Variants in GDF2 observed in about 807,000 individuals in gnomAD.
GDF2 encodes growth/differentiation factor 2.
Under a neutral mutation model 16.9 loss-of-function variants are expected in GDF2, and 17 were observed. That is an observed-to-expected ratio of 1.00 (90% confidence interval 0.69 to 1.51). GDF2 has a LOEUF of 1.51. Ranked by LOEUF, GDF2 falls within the 40% of genes most tolerant of loss-of-function variation. The probability of loss-of-function intolerance (pLI) is 0.00; values close to 1 mark genes in which losing one functional copy is unlikely to be tolerated. For synonymous variants in GDF2, 276 were observed against 237.6 expected (o/e 1.16, Z -1.49); for missense variants, 523 against 556.3 (o/e 0.94, Z 0.60).
At chr10:47,324,141 G>A (rs768363559) in intron 1 of GDF2, among the ~76,000 whole-genome samples, 1 of 152,254 alleles carries the variant, frequency 6.6e-6, no homozygotes, top group African/African-American at 2.4e-5. Context: ...AGATAACTAT[G>A]TGGCTAAAAG....
rs564273229 is a variant in GDF2, at chr10:47,324,971, C to T, written c.477C>T (p.His159=). The change falls in exon 2 of 2, where the codon CAC becomes CAT. Residue 159 remains histidine (H), a synonymous_variant. Coordinates refer to ENST00000581492, the MANE Select transcript of GDF2 (RefSeq NM_016204.4). Reference sequence around the variant, plus strand: ...GACTCTATGTCTCCTGTCAAAATCACGTGGACCCCTCTCATGACCTGAAAG... The same window carrying T: ...GACTCTATGTCTCCTGTCAAAATCATGTGGACCCCTCTCATGACCTGAAAG... ...ELRLYVSCQN[H]VDPSHDLKGS... 18 of 1,614,010 alleles carry T rather than the reference C, an allele frequency of 1.1e-5. No homozygotes were observed. The Admixed American group carries it at 1.5e-4, about 13-fold the overall frequency.
chr10:47,326,582 C>A lies in GDF2; in HGVS notation c.*798C>A, dbSNP rs1443990796. On this transcript the variant is annotated 3_prime_UTR_variant, in exon 2 of 2. Coordinates refer to ENST00000581492, the MANE Select transcript of GDF2 (RefSeq NM_016204.4). Reference sequence around the variant, plus strand: ...GCACTGAAAAATAACCCCAGGCCAACTGCAGGATAGAGAGAGAGGTCAGGA... The same window carrying A: ...GCACTGAAAAATAACCCCAGGCCAAATGCAGGATAGAGAGAGAGGTCAGGA... 6.6e-6 allele frequency among the ~76,000 whole-genome samples: 1 copy of A among 152,228 alleles called. No homozygotes were observed. The highest frequency in any genetic ancestry group is 2.4e-5 in the African/African-American group (1 of 41,452).
chr10:47,322,781 A>T lies in GDF2; in HGVS notation c.113A>T (p.His38Leu), dbSNP rs782492970. 1.2e-6 allele frequency: 2 copies of T among 1,613,132 alleles called. No homozygotes were observed. Among genetic ancestry groups the T allele is most frequent in the South Asian group, 2.2e-5 (2 of 91,064 alleles). ...WGRGSAGGNA[H>L]SPLGVPGGGL... Reference sequence around the variant, plus strand: ...CGAGGGTCTGCTGGGGGAAACGCCCACAGCCCACTGGGGGTGCCTGGAGGT... The same window carrying T: ...CGAGGGTCTGCTGGGGGAAACGCCCTCAGCCCACTGGGGGTGCCTGGAGGT... Residue 38 changes from histidine to leucine, a missense_variant, in exon 1 of 2, where the codon CAC becomes CTC. By Grantham distance (99) the His-to-Leu change is moderately conservative. Coordinates refer to ENST00000581492, the MANE Select transcript of GDF2 (RefSeq NM_016204.4).
chr10:47,325,966 G>A lies in GDF2; in HGVS notation c.*182G>A, dbSNP rs1488632211. The A allele has an allele frequency of 5.9e-6, 3 of 504,692 alleles. No individual in the cohort carries two copies. Among genetic ancestry groups the A allele is most frequent in the Admixed American group, 3.6e-5 (1 of 27,872 alleles). 31.3% of individuals were successfully genotyped at this position (504,692 alleles called of 1,614,324 possible). ...CCGCTGAGCTCAACTGCCAGGGAAG[G>A]CTAAGGAAATGGGGATTTGAGCACA... is the stretch of plus-strand genomic sequence containing the variant. On this transcript the variant is annotated 3_prime_UTR_variant, in exon 2 of 2. Coordinates refer to ENST00000581492, the MANE Select transcript of GDF2 (RefSeq NM_016204.4).
rs781829279 is a variant in GDF2 at position 47,322,982 on chromosome 10, C to G, written c.314C>G (p.Ala105Gly). The G allele has an allele frequency of 1.1e-5, 18 of 1,601,942 alleles. No individual in the cohort carries two copies. The highest frequency in any genetic ancestry group is 1.5e-5 in the Non-Finnish European group (18 of 1,170,012). Residue 105 changes from alanine to glycine, a missense_variant, in exon 1 of 2, where the codon GCG (alanine) becomes GGG (glycine). Transcript: ENST00000581492. ...ACGTCCGATAAGTCGACTACGCCAG[C>G]GTCCAACATTGTGCGGAGCTTCAGC... is the stretch of plus-strand genomic sequence containing the variant. ...RYTSDKSTTP[A>G]SNIVRSFSME...
Position 47,325,924 on chromosome 10 carries a change from C to A in GDF2, c.*140C>A. 1.6e-6 allele frequency: 1 copy of A among 625,220 alleles called. No individual in the cohort carries two copies. The highest frequency in any genetic ancestry group is 2.7e-6 in the Non-Finnish European group (1 of 373,600). The allele number at this position is 625,220 out of a possible 1,614,324, so 38.7% of individuals were successfully genotyped here. A position where few individuals can be genotyped will look rare whatever the true frequency, so the allele number is the denominator to read the frequency against. ...GGGAGCCTGCTCTCCCTCCCCACACCCCACCCAAAGCATACACCGCTGAGC... is the reference window on the plus strand; with the variant it reads ...GGGAGCCTGCTCTCCCTCCCCACACACCACCCAAAGCATACACCGCTGAGC... On this transcript the variant is annotated 3_prime_UTR_variant, in exon 2 of 2. Coordinates refer to ENST00000581492, the MANE Select transcript of GDF2 (RefSeq NM_016204.4).
At position 47,322,954 on chromosome 10, in the gene GDF2, T is replaced by C. The variant is rs142466901; in HGVS notation, c.286T>C (p.Tyr96His). The part of the protein sequence containing the change: ...PQYMIDLYNR[Y>H]TSDKSTTPAS... Reference sequence around the variant, plus strand: ...GTACATGATTGACCTGTACAACAGGTACACGTCCGATAAGTCGACTACGCC... The same window carrying C: ...GTACATGATTGACCTGTACAACAGGCACACGTCCGATAAGTCGACTACGCC... Residue 96 changes from tyrosine (Y) to histidine (H), a missense_variant, in exon 1 of 2, where the codon TAC (tyrosine) becomes CAC (histidine). Physicochemically the swap from Tyr to His is moderately conservative, Grantham distance 83. Transcript: ENST00000581492. The C allele has an allele frequency of 5.6e-6, 9 of 1,611,940 alleles. No homozygotes were observed. Among genetic ancestry groups the C allele is most frequent in the African/African-American group, 1.3e-5 (1 of 74,848 alleles).
Position 47,326,660 on chromosome 10 carries a change from CT to C in GDF2, c.*877del, listed in dbSNP as rs1555209170. On this transcript the variant is annotated 3_prime_UTR_variant, in exon 2 of 2. Coordinates refer to ENST00000581492, the MANE Select transcript of GDF2 (RefSeq NM_016204.4). ...CTGTGGCTGGAGTTATTGTGACCCCCTGGTGCAGTGCTCCCACGGCCAGTGG... is the reference window on the plus strand; with the variant it reads ...CTGTGGCTGGAGTTATTGTGACCCCCGGTGCAGTGCTCCCACGGCCAGTGG... 1.3e-5 allele frequency among the ~76,000 whole-genome samples: 2 copies of C among 152,232 alleles called. No homozygotes were observed. The highest frequency in any genetic ancestry group is 2.9e-5 in the Non-Finnish European group (2 of 68,034).
intron 1 of GDF2, 59 bp downstream of exon 1, chr10:47,323,073 T>G: frequency 7.7e-7 from 1 of 1,298,426 alleles, no homozygotes; most frequent in Non-Finnish European, 1.1e-6. Flanking sequence ...CACAGCTGCT[T>G]TCCCCAGGGT....
At position 47,325,619 on chromosome 10, in the gene GDF2, C is replaced by A. The variant is rs782554928; in HGVS notation, c.1125C>A (p.Ile375=). Residue 375 remains isoleucine (I), a synonymous_variant, in exon 2 of 2, where the codon ATC becomes ATA. Coordinates refer to ENST00000581492, the MANE Select transcript of GDF2 (RefSeq NM_016204.4). ...ADDVTPTKHA[I]VQTLVHLKFP... ...ATGTGACGCCGACGAAACACGCTAT[C>A]GTGCAGACCCTGGTGCATCTCAAGT... 5.6e-6 allele frequency: 9 copies of A among 1,614,154 alleles called. No individual in the cohort carries two copies. The highest frequency in any genetic ancestry group is 7.6e-6 in the Non-Finnish European group (9 of 1,180,020).
At position 47,325,195 on chromosome 10, in the gene GDF2, G is replaced by A. The variant is rs1555208938; in HGVS notation, c.701G>A (p.Arg234Lys). The A allele has an allele frequency of 1.2e-6, 2 of 1,614,056 alleles. No individual in the cohort carries two copies. Among genetic ancestry groups the A allele is most frequent in the South Asian group, 1.1e-5 (1 of 91,074 alleles). The change falls in exon 2 of 2, where the codon AGG becomes AAG. Residue 234 changes from arginine (R) to lysine (K), a missense_variant. Transcript: ENST00000581492. ...NKLEVTVESH[R>K]KGCDTLDISV... ...CTGGAAGTGACTGTGGAGAGCCACA[G>A]GAAGGGCTGCGACACGCTGGACATC...
In GDF2 at chr10:47,325,250, C is replaced by A. The variant is rs782375095; in HGVS notation, c.756C>A (p.Pro252=). The A allele has an allele frequency of 1.2e-6, 2 of 1,614,194 alleles. No homozygotes were observed. Among genetic ancestry groups the A allele is most frequent in the South Asian group, 2.2e-5 (2 of 91,078 alleles). The change falls in exon 2 of 2, where the codon CCC becomes CCA. Residue 252 remains proline, a synonymous_variant. Coordinates refer to ENST00000581492, the MANE Select transcript of GDF2 (RefSeq NM_016204.4). ...TCCCCCCAGGTTCCAGAAACCTGCC[C>A]TTCTTTGTTGTCTTCTCCAATGACC... ...ISVPPGSRNL[P]FFVVFSNDHS... is the part of the protein sequence containing the mutation.
At position 47,325,146 on chromosome 10, in the gene GDF2, G is replaced by T; in HGVS notation, c.652G>T (p.Asp218Tyr). ...SSAVKRWVRSDSTKSKNKLEV... is the reference protein window; with the variant it reads ...SSAVKRWVRSYSTKSKNKLEV... ...CGCCGTGAAGCGCTGGGTCCGGTCC[G>T]ACTCCACCAAGAGCAAAAATAAGCT... The change falls in exon 2 of 2, where the codon GAC becomes TAC. Residue 218 changes from aspartate to tyrosine, a missense_variant. Transcript: ENST00000581492. 6.2e-7 allele frequency: 1 copy of T among 1,613,882 alleles called. No homozygotes were observed. Among genetic ancestry groups the T allele is most frequent in the Non-Finnish European group, 8.5e-7 (1 of 1,180,034 alleles).
chr10:47,322,849 A>G lies in GDF2; in HGVS notation c.181A>G (p.Asn61Asp). The change falls in exon 1 of 2, where the codon AAC becomes GAC. Residue 61 changes from asparagine to aspartate, a missense_variant. Asn to Asp is a conservative substitution (Grantham distance 23). Transcript: ENST00000581492. ...HTFNLKMFLENVKVDFLRSLN... is the reference protein window; with the variant it reads ...HTFNLKMFLEDVKVDFLRSLN... ...CTTCAACCTGAAGATGTTTCTGGAGAACGTGAAGGTGGATTTCCTGCGCAG... is the reference window on the plus strand; with the variant it reads ...CTTCAACCTGAAGATGTTTCTGGAGGACGTGAAGGTGGATTTCCTGCGCAG... 1 of 1,614,096 alleles carries G rather than the reference A, an allele frequency of 6.2e-7. No individual in the cohort carries two copies. The highest frequency in any genetic ancestry group is 8.5e-7 in the Non-Finnish European group (1 of 1,180,000).
rs782024378 is a variant in GDF2, at chr10:47,324,889, T to C, written c.395T>C (p.Ile132Thr). Residue 132 changes from isoleucine (I) to threonine (T), a missense_variant, in exon 2 of 2, where the codon ATC becomes ACC. Transcript: ENST00000581492. Reference protein sequence around the residue: ...ATEDFPFQKHILLFNISIPRH... With the variant: ...ATEDFPFQKHTLLFNISIPRH... ...GAGGACTTCCCCTTCCAGAAGCACA[T>C]CTTGCTCTTCAACATCTCCATTCCT... 1 of 1,613,698 alleles carries C rather than the reference T, an allele frequency of 6.2e-7. No homozygotes were observed. The highest frequency in any genetic ancestry group is 8.5e-7 in the Non-Finnish European group (1 of 1,180,000).
At chr10:47,323,152 A>C in intron 1 of GDF2, 138 bp downstream of exon 1, 1 of 624,028 alleles carries the variant, frequency 1.6e-6, no homozygotes, top group Non-Finnish European at 2.7e-6. Context: ...TAAAATTAAA[A>C]CTTATTTCTT....
In GDF2 at chr10:47,327,302, T is replaced by C. The variant is rs2061112000; in HGVS notation, c.*1518T>C. Among the ~76,000 whole-genome samples the C allele has an allele frequency of 2.6e-5, 4 of 152,078 alleles. No homozygotes were observed. Among genetic ancestry groups the C allele is most frequent in the Admixed American group, 2.0e-4 (3 of 15,268 alleles). ...GGGGAGGCTTAGAGAGGCCAGGGCC[T>C]CTCCCCGTGGTTGAAGCTCCCATTT... On this transcript the variant is annotated 3_prime_UTR_variant, in exon 2 of 2. Transcript: ENST00000581492.
chr10:47,325,681 C>A lies in GDF2; in HGVS notation c.1187C>A (p.Thr396Asn). 1 of 1,609,008 alleles carries A rather than the reference C, an allele frequency of 6.2e-7. No individual in the cohort carries two copies. Among genetic ancestry groups the A allele is most frequent in the Non-Finnish European group, 8.5e-7 (1 of 1,176,684 alleles). ...TKVGKACCVP[T>N]KLSPISVLYK... Reference sequence around the variant, plus strand: ...GTGGGCAAGGCCTGCTGTGTGCCCACCAAACTGAGCCCCATCTCCGTCCTC... The same window carrying A: ...GTGGGCAAGGCCTGCTGTGTGCCCAACAAACTGAGCCCCATCTCCGTCCTC... Residue 396 changes from threonine to asparagine, a missense_variant, in exon 2 of 2, where the codon ACC becomes AAC. Physicochemically the swap from Thr to Asn is moderately conservative, Grantham distance 65. Transcript: ENST00000581492.
At chr10:47,323,322 G>A (rs782300518) in intron 1 of GDF2, among the ~76,000 whole-genome samples, 15 of 152,128 alleles carry the variant, frequency 9.9e-5, no homozygotes, top group Non-Finnish European at 1.6e-4. Flanking sequence ...CACAGCAGGT[G>A]CACAGGGATG....
Sources: gnomAD v4.1 joint callset for allele counts (sites outside exome capture counted in the v4.1 genomes callset) on GRCh38, gnomAD v4.1.1 for gene constraint, MANE v1.5 for transcripts, NCBI Gene and HGNC (gene_info 2026-07-23, HGNC 2026-07-21) for gene names.